Variants in MXI1 observed in about 807,000 individuals in gnomAD.
MXI1 encodes max-interacting protein 1.
In MXI1, 18 loss-of-function variants were observed where a neutral mutation model predicts 36.9. The ratio of observed to expected loss-of-function variants is 0.49; its 90% CI spans 0.34 to 0.72. The LOEUF is 0.72. MXI1 is among the 30% of genes least tolerant of loss of function. The pLI is 0.01. For missense variants in MXI1, 304 were observed against 379.1 expected, an observed-to-expected ratio of 0.80 and a Z score of 1.64; for synonymous variants, 160 against 146.7, an observed-to-expected ratio of 1.09 and a Z score of -0.65.
At chr10:110,272,397 C>T (rs979242115) in intron 3 of MXI1, among the ~76,000 whole-genome samples, 1 of 152,118 alleles carries the variant, frequency 6.6e-6, no homozygotes, top group African/African-American at 2.4e-5. Flanking sequence ...ACACATTTTG[C>T]ATTATCTGTG....
intron 2 of MXI1, among the ~76,000 whole-genome samples, chr10:110,232,620 A>G (rs1442645970): frequency 1.3e-5 from 2 of 152,206 alleles, no homozygotes; most frequent in Non-Finnish European, 2.9e-5. Flanking sequence ...TTAAACATTT[A>G]TCCCTAGTAC....
chr10:110,212,961 A>G (rs1186182676), intron 1 of MXI1, among the ~76,000 whole-genome samples: 1 of 152,188 alleles, frequency 6.6e-6, no homozygotes, highest in Non-Finnish European at 1.5e-5. Context: ...ATAGCACACC[A>G]CTGGGCATAC....
intron 2 of MXI1, among the ~76,000 whole-genome samples, chr10:110,233,544 A>G (rs528661841): frequency 1.3e-5 from 2 of 152,200 alleles, no homozygotes; most frequent in African/African-American, 4.8e-5. Flanking sequence ...TTTTTATATT[A>G]AAAAGTAGTT....
chr10:110,239,795 T>C lies in MXI1; in HGVS notation c.408-5033T>C, dbSNP rs146705386. Among the ~76,000 whole-genome samples the C allele has an allele frequency of 4.2e-3, 634 of 152,266 alleles. 6 individuals are homozygous for C. Among genetic ancestry groups the C allele is most frequent in the African/African-American group, 0.015 (617 of 41,562 alleles). ...TTTTTTCCTGTTTACCAAAGTAAAA[T>C]GTACATACAAAAAAAGCATACAAAT... On this transcript the variant is annotated intron_variant, in intron 2 of 5. Transcript: ENST00000332674.
intron 3 of MXI1, among the ~76,000 whole-genome samples, chr10:110,277,901 A>AATTTCACTTGACATT (rs1310931513): frequency 1.3e-5 from 2 of 152,178 alleles, no homozygotes; most frequent in Non-Finnish European, 2.9e-5. Flanking sequence ...AGCCTTTGAG[A>AATTTCACTTGACATT]ATTTCACTTG....
In MXI1 at chr10:110,207,800, C is replaced by G. The variant is rs771030499; in HGVS notation, c.-9C>G. 1.1e-5 allele frequency: 12 copies of G among 1,126,990 alleles called. No individual in the cohort carries two copies. The highest frequency in any genetic ancestry group is 5.0e-5 in the Admixed American group (1 of 19,890). The allele number at this position is 1,126,990 out of a possible 1,614,324, so 69.8% of individuals were successfully genotyped here. A position where few individuals can be genotyped will look rare whatever the true frequency, so the allele number is the denominator to read the frequency against. On this transcript the variant is annotated 5_prime_UTR_variant, in exon 1 of 6. Transcript: ENST00000332674. ...TTAGAGGACGAGCTCGGCGGACCCC[C>G]GCTCCTCCATGGGCAAACGCGGGCG...
Position 110,224,233 on chromosome 10 carries a change from A to G in MXI1, c.275-3956A>G, listed in dbSNP as rs543816029. Among the ~76,000 whole-genome samples, 60 of 152,322 alleles carry G rather than the reference A, an allele frequency of 3.9e-4. 2 individuals are homozygous for G. The South Asian group carries it at 0.012, about 30-fold the overall frequency. ...ATGTGATGTCAAGCAGCAGGTTAATATAATTGGGGTGGAAAAAAGTTATGG... is the reference window on the plus strand; with the variant it reads ...ATGTGATGTCAAGCAGCAGGTTAATGTAATTGGGGTGGAAAAAAGTTATGG... On this transcript the variant is annotated intron_variant, in intron 1 of 5. Transcript: ENST00000332674.
intron 2 of MXI1, among the ~76,000 whole-genome samples, chr10:110,228,558 C>G (rs776797555): frequency 2.6e-5 from 4 of 152,088 alleles, no homozygotes; most frequent in African/African-American, 4.8e-5. Flanking sequence ...ATGGCTATGC[C>G]AAGTTGAGAG....
intron 5 of MXI1, 25 bp downstream of exon 5, chr10:110,280,110 T>C (rs1443964396): frequency 6.4e-7 from 1 of 1,556,436 alleles, no homozygotes; most frequent in East Asian, 2.3e-5. Flanking sequence ...TCTTCTCTAA[T>C]GAAATACTAA....
At chr10:110,284,686 T>G (rs1468979733) in intron 5 of MXI1, 138 bp from the exon 6 acceptor site, 1 of 808,164 alleles carries the variant, frequency 1.2e-6, no homozygotes, top group Non-Finnish European at 1.8e-6. Context: ...TTCACCTTGT[T>G]CCTCTGTTCT....
At chr10:110,236,172 A>T (rs1855469522) in intron 2 of MXI1, among the ~76,000 whole-genome samples, 2 of 59,000 alleles carry the variant, frequency 3.4e-5, no homozygotes, top group South Asian at 6.2e-4. Context: ...TTGCAAATGG[A>T]CATCCAGTTG....
intron 2 of MXI1, among the ~76,000 whole-genome samples, chr10:110,237,447 C>A (rs1855513172): frequency 6.6e-6 from 1 of 152,142 alleles, no homozygotes; most frequent in Non-Finnish European, 1.5e-5. Flanking sequence ...TTAGGTGATA[C>A]TGTCATTTTC....
chr10:110,276,890 A>C (rs1055277585), intron 3 of MXI1, among the ~76,000 whole-genome samples: 3 of 146,764 alleles, frequency 2.0e-5, no homozygotes, highest in African/African-American at 7.6e-5. Flanking sequence ...TCTGTGGCTC[A>C]GGCAGAATGC....
chr10:110,234,402 GT>G (rs1207537912), intron 2 of MXI1, among the ~76,000 whole-genome samples: 1 of 151,978 alleles, frequency 6.6e-6, no homozygotes, highest in African/African-American at 2.4e-5. Context: ...TTGTTAGATT[GT>G]TTTTTTGTTT....
chr10:110,276,234 A>G (rs759300159), intron 3 of MXI1, among the ~76,000 whole-genome samples: 1 of 152,222 alleles, frequency 6.6e-6, no homozygotes, highest in African/African-American at 2.4e-5. Flanking sequence ...TCGCTTTTTC[A>G]TACACAAATT....
In MXI1 at chr10:110,286,398, C is replaced by T. The variant is rs1857425840; in HGVS notation, c.*1411C>T. On this transcript the variant is annotated 3_prime_UTR_variant, in exon 6 of 6. Coordinates refer to ENST00000332674, the MANE Select transcript of MXI1 (RefSeq NM_130439.3). Reference sequence around the variant, plus strand: ...TTCAAACTCCAAGGTTCCCTTGTGGCCCTCTCCCTTACCCTGGGAAGGCCT... The same window carrying T: ...TTCAAACTCCAAGGTTCCCTTGTGGTCCTCTCCCTTACCCTGGGAAGGCCT... The T allele has an allele frequency of 1.3e-5, 2 of 152,392 alleles. 1 individual carries two copies. Among genetic ancestry groups the T allele is most frequent in the Admixed American group, 1.3e-4 (2 of 15,252 alleles). 9.4% of individuals were successfully genotyped at this position (152,392 alleles called of 1,614,324 possible). A position where few individuals can be genotyped will look rare whatever the true frequency, so the allele number is the denominator to read the frequency against.
At chr10:110,222,608 A>G (rs1182671900) in intron 1 of MXI1, among the ~76,000 whole-genome samples, 1 of 152,180 alleles carries the variant, frequency 6.6e-6, no homozygotes, top group Non-Finnish European at 1.5e-5. Flanking sequence ...TCCATTTTCA[A>G]ATGACTCCCT....
chr10:110,240,398 G>A (rs1341660589), intron 2 of MXI1, among the ~76,000 whole-genome samples: 1 of 151,976 alleles, frequency 6.6e-6, no homozygotes, highest in African/African-American at 2.4e-5. Flanking sequence ...CTTGATGTTC[G>A]TGGGCTTAGT....
chr10:110,280,221 T>C (rs1326475824), intron 5 of MXI1, 136 bp downstream of exon 5: 1 of 657,502 alleles, frequency 1.5e-6, no homozygotes, highest in Non-Finnish European at 2.3e-6. Flanking sequence ...GCAATCATAA[T>C]ATTGTCTACA....
Sources: gnomAD v4.1 joint callset for allele counts (sites outside exome capture counted in the v4.1 genomes callset) on GRCh38, gnomAD v4.1.1 for gene constraint, MANE v1.5 for transcripts, NCBI Gene and HGNC (gene_info 2026-07-23, HGNC 2026-07-21) for gene names.